The following PARP8 variants were observed in gnomAD, a reference collection of about 807,000 sequenced individuals.
The protein encoded by PARP8 is poly(ADP-ribose) polymerase family member 8, also known as protein mono-ADP-ribosyltransferase PARP8.
PARP8 carries 51 observed loss-of-function variants against 124.1 expected under a neutral mutation model. The observed-to-expected ratio is 0.41, with a 90% confidence interval of 0.33 to 0.52. PARP8 has a LOEUF of 0.52. Ranked by LOEUF, PARP8 falls within the 20% of genes least tolerant of loss-of-function variation. The pLI is 0.21. For synonymous variants in PARP8, 391 were observed against 361.5 expected, an observed-to-expected ratio of 1.08 and a Z score of -0.93; for missense variants, 860 against 1,018.9, an observed-to-expected ratio of 0.84 and a Z score of 2.12.
intron 14 of PARP8, among the ~76,000 whole-genome samples, chr5:50,800,963 G>A (rs971186069): frequency 2.6e-5 from 4 of 151,604 alleles, no homozygotes; most frequent in African/African-American, 9.7e-5. Context: ...TCACCATGTT[G>A]CCAAGGCTGG....
chr5:50,799,004 T>C (rs1742886792), intron 14 of PARP8, among the ~76,000 whole-genome samples: 1 of 152,232 alleles, frequency 6.6e-6, no homozygotes, highest in African/African-American at 2.4e-5. Flanking sequence ...GCAATTATTT[T>C]CTTCTATTTT....
rs1466918866 is a variant in PARP8, at chr5:50,666,951, G to C, written c.-145G>C. The C allele has an allele frequency of 8.3e-7, 1 of 1,207,366 alleles. No homozygotes were observed. Among genetic ancestry groups the C allele is most frequent in the Non-Finnish European group, 1.1e-6 (1 of 921,548 alleles). 74.8% of individuals were successfully genotyped at this position (1,207,366 alleles called of 1,614,324 possible). On this transcript the variant is annotated 5_prime_UTR_variant, in exon 1 of 26. Transcript: ENST00000281631. ...CTCCTCCTCCTCTTCTCTCACCCAG[G>C]ATCACTTCCGAAACCACTTCGCCTT...
chr5:50,813,087 G>T (rs1744661391), intron 14 of PARP8, among the ~76,000 whole-genome samples: 1 of 152,076 alleles, frequency 6.6e-6, no homozygotes, highest in African/African-American at 2.4e-5. Flanking sequence ...CTCTTTTTTG[G>T]TTCCATATGA....
In PARP8 at chr5:50,794,849, G is replaced by A; in HGVS notation, c.864-4G>A. On this transcript the variant is annotated splice_region_variant and splice_polypyrimidine_tract_variant and intron_variant, in intron 11 of 25. Transcript: ENST00000281631. ...CCTGTAGTAATTGTTGTTCAATTTT[G>A]AAGGTCGCCAAGTTATCCTCCCCCT... is the stretch of plus-strand genomic sequence containing the variant. The A allele has an allele frequency of 1.2e-6, 2 of 1,609,278 alleles. No individual in the cohort carries two copies. Among genetic ancestry groups the A allele is most frequent in the East Asian group, 2.2e-5 (1 of 44,818 alleles).
intron 14 of PARP8, among the ~76,000 whole-genome samples, chr5:50,800,178 AT>A (rs1743044437): frequency 6.6e-6 from 1 of 152,074 alleles, no homozygotes; most frequent in Admixed American, 6.6e-5. Context: ...GTTTTTAAGC[AT>A]TTTATTATTT....
chr5:50,741,743 T>C, intron 2 of PARP8: 1 of 382,284 alleles, frequency 2.6e-6, no homozygotes, highest in Admixed American at 3.6e-5. Flanking sequence ...GTCTTCATCC[T>C]TTTACCTTAG....
At chr5:50,726,176 G>A (rs1450084706) in intron 2 of PARP8, among the ~76,000 whole-genome samples, 1 of 151,840 alleles carries the variant, frequency 6.6e-6, no homozygotes. Context: ...TGGGTTTGAA[G>A]CTTCACTTTA....
At chr5:50,779,370 G>T (rs188039329) in intron 9 of PARP8, among the ~76,000 whole-genome samples, 11 of 152,236 alleles carry the variant, frequency 7.2e-5, no homozygotes, top group Admixed American at 6.5e-4. Flanking sequence ...CCCATGATTT[G>T]CAGTTATGTG....
chr5:50,667,580 C>T (rs921135051), intron 1 of PARP8: 30 of 698,878 alleles, frequency 4.3e-5, no homozygotes, highest in African/African-American at 4.3e-4. Context: ...GGGAATGGAG[C>T]CTGCTGCGCT....
chr5:50,682,355 G>A (rs976649626), intron 2 of PARP8, among the ~76,000 whole-genome samples: 1 of 152,050 alleles, frequency 6.6e-6, no homozygotes, highest in African/African-American at 2.4e-5. Context: ...AAATAAAAAG[G>A]ACTTCTACCA....
At chr5:50,791,813 T>C (rs1741989394) in intron 10 of PARP8, among the ~76,000 whole-genome samples, 1 of 152,200 alleles carries the variant, frequency 6.6e-6, no homozygotes, top group Non-Finnish European at 1.5e-5. Context: ...TATAAATTTT[T>C]TGTATGTAGA....
At chr5:50,721,481 G>A (rs1476855539) in intron 2 of PARP8, among the ~76,000 whole-genome samples, 1 of 152,076 alleles carries the variant, frequency 6.6e-6, no homozygotes, top group Admixed American at 6.6e-5. Context: ...TGACAGAGTT[G>A]AGAGAGAATA....
chr5:50,672,220 A>C (rs1309890886), intron 2 of PARP8, among the ~76,000 whole-genome samples: 5 of 152,090 alleles, frequency 3.3e-5, no homozygotes, highest in Admixed American at 1.3e-4. Flanking sequence ...TGTTTCTAAA[A>C]CCATGTCGTT....
chr5:50,745,002 G>C, intron 2 of PARP8: 1 of 470,930 alleles, frequency 2.1e-6, no homozygotes, highest in Non-Finnish European at 3.8e-6. Context: ...ATCCATGTCT[G>C]TTTGTACTAG....
At chr5:50,795,543 T>C (rs1257646899) in intron 12 of PARP8, 126 bp downstream of exon 12, 1 of 760,034 alleles carries the variant, frequency 1.3e-6, no homozygotes, top group Non-Finnish European at 2.0e-6. Flanking sequence ...TTTTTTAAAA[T>C]CTTTTTGGAT....
intron 7 of PARP8, among the ~76,000 whole-genome samples, chr5:50,776,218 ACT>A (rs1406640833): frequency 1.3e-5 from 2 of 152,034 alleles, no homozygotes; most frequent in Non-Finnish European, 1.5e-5. Flanking sequence ...ATCATCTTGC[ACT>A]CTCTAGGATG....
At chr5:50,790,387 G>T (rs1741811594) in intron 10 of PARP8, among the ~76,000 whole-genome samples, 1 of 152,134 alleles carries the variant, frequency 6.6e-6, no homozygotes, top group South Asian at 2.1e-4. Flanking sequence ...GTGTCTTGGA[G>T]ATGAGCATGG....
At chr5:50,818,926 C>T (rs1011314332) in intron 15 of PARP8, among the ~76,000 whole-genome samples, 4 of 152,094 alleles carry the variant, frequency 2.6e-5, no homozygotes, top group African/African-American at 9.7e-5. Flanking sequence ...TGGACCCCTT[C>T]GATCATGTGG....
At chr5:50,716,487 AG>A (rs1755333492) in intron 2 of PARP8, among the ~76,000 whole-genome samples, 1 of 152,104 alleles carries the variant, frequency 6.6e-6, no homozygotes, top group African/African-American at 2.4e-5. Flanking sequence ...CTTTCCCTAC[AG>A]GGTAAAAACA....
Sources: gnomAD v4.1 joint callset for allele counts (sites outside exome capture counted in the v4.1 genomes callset) on GRCh38, gnomAD v4.1.1 for gene constraint, MANE v1.5 for transcripts, NCBI Gene and HGNC (gene_info 2026-07-23, HGNC 2026-07-21) for gene names.